Variants in NEXN observed in about 807,000 individuals in gnomAD.
NEXN encodes nexilin F-actin binding protein.
In NEXN, 65 loss-of-function variants were observed where a neutral mutation model predicts 92.6. The observed-to-expected ratio is 0.70, with a 90% CI of 0.57 to 0.86. The LOEUF (loss-of-function observed/expected upper bound fraction) is 0.86. Among genes scored for constraint, NEXN ranks in the 40% least tolerant of loss-of-function variants. The probability of loss-of-function intolerance (pLI) is 0.00; values close to 1 mark genes in which losing one functional copy is unlikely to be tolerated. For synonymous variants in NEXN, 254 were observed against 242.5 expected (o/e 1.05, Z -0.44); for missense variants, 778 against 771.1 (o/e 1.01, Z -0.11).
chr1:77,926,938 G>A (rs1421691913), intron 8 of NEXN, 46 bp downstream of exon 8: 2 of 1,610,610 alleles, frequency 1.2e-6, no homozygotes, highest in East Asian at 2.2e-5. Context: ...AATGAAGTTA[G>A]CCGACTTAAG....
chr1:77,923,380 T>C (rs1443353382), intron 5 of NEXN, among the ~76,000 whole-genome samples: 7 of 152,120 alleles, frequency 4.6e-5, no homozygotes, highest in Admixed American at 1.3e-4. Context: ...TTAGCCTAGT[T>C]CCTAGTATGA....
intron 8 of NEXN, among the ~76,000 whole-genome samples, chr1:77,928,084 A>G (rs1297969067): frequency 6.6e-6 from 1 of 152,070 alleles, no homozygotes; most frequent in Non-Finnish European, 1.5e-5. Context: ...TGAGGCAGGC[A>G]GATCCCTTGA....
At chr1:77,916,690 A>T (rs1649002776) in intron 2 of NEXN, among the ~76,000 whole-genome samples, 1 of 152,206 alleles carries the variant, frequency 6.6e-6, no homozygotes, top group Admixed American at 6.5e-5. Context: ...GCCACAAATT[A>T]ATTAAGTAAT....
intron 11 of NEXN, among the ~76,000 whole-genome samples, chr1:77,937,481 G>A (rs1375666325): frequency 6.6e-6 from 1 of 152,174 alleles, no homozygotes; most frequent in Non-Finnish European, 1.5e-5. Flanking sequence ...CCTGAGGTCA[G>A]GAGTTCAAGA....
chr1:77,931,231 C>CAAAAAAAAAAAAAAA (rs367898061), intron 9 of NEXN, among the ~76,000 whole-genome samples: 2 of 120,568 alleles, frequency 1.7e-5, no homozygotes, highest in African/African-American at 7.3e-5. Flanking sequence ...ACTAAAAATA[C>CAAAAAAAAAAAAAAA]AAAAAAAAAA....
rs760058810 is a variant in NEXN at position 77,917,688 on chromosome 1, T to C, written c.150T>C (p.Ser50=). ...RAREERNQRR[S]RDEKQRRKEQ... ...GGGAAGAAAGAAATCAAAGGAGATC[T>C]AGAGACGAAAAACAAAGAAGAAAAG... Residue 50 remains serine, a synonymous_variant, in exon 3 of 13, where the codon TCT becomes TCC. Transcript: ENST00000334785. 6.2e-7 allele frequency: 1 copy of C among 1,612,292 alleles called. No individual in the cohort carries two copies. Among genetic ancestry groups the C allele is most frequent in the South Asian group, 1.1e-5 (1 of 90,788 alleles).
chr1:77,929,445 G>A lies in NEXN; in HGVS notation c.994G>A (p.Glu332Lys), dbSNP rs1374513497. ...REDEKRKAEE[E>K]ARRRIEEEKK... The stretch of plus-strand genomic sequence containing the variant: ...AGATGAAAAAAGGAAAGCAGAAGAA[G>A]AAGCCAGAAGGAGAATAGAGGAAGA... Residue 332 changes from glutamate (E) to lysine (K), a missense_variant, in exon 9 of 13, where the codon GAA becomes AAA. By Grantham distance (56) the Glu-to-Lys change is moderately conservative. Around this residue, in one of 3 missense-constraint regions of NEXN, gnomAD observed 532 missense variants for 476.7 expected, o/e 1.12. Transcript: ENST00000334785. 15 of 1,613,258 alleles carry A rather than the reference G, an allele frequency of 9.3e-6. No individual in the cohort carries two copies. The East Asian group carries it at 3.3e-4, about 36-fold the overall frequency.
chr1:77,889,522 T>G (rs1377462293), intron 1 of NEXN: 2 of 152,232 alleles, frequency 1.3e-5, no homozygotes, highest in Non-Finnish European at 2.9e-5. Context: ...CCATTCCAGC[T>G]GTTTGTAAAT....
chr1:77,902,678 TCA>T (rs1323743715), intron 1 of NEXN, among the ~76,000 whole-genome samples: 2 of 152,190 alleles, frequency 1.3e-5, no homozygotes, highest in African/African-American at 4.8e-5. Context: ...TTAGTCTCTT[TCA>T]GTTTGTATGC....
chr1:77,926,100 T>C (rs1649820285), intron 6 of NEXN, among the ~76,000 whole-genome samples: 1 of 152,136 alleles, frequency 6.6e-6, no homozygotes, highest in African/African-American at 2.4e-5. Context: ...ACATGCACAT[T>C]TTGTGGATTA....
At chr1:77,925,474 TCA>T (rs1649773153) in intron 6 of NEXN, among the ~76,000 whole-genome samples, 1 of 152,222 alleles carries the variant, frequency 6.6e-6, no homozygotes, top group African/African-American at 2.4e-5. Flanking sequence ...CTTATTAGTC[TCA>T]GTTTGAGATA....
chr1:77,897,439 G>A (rs1372701933), intron 1 of NEXN, among the ~76,000 whole-genome samples: 1 of 152,142 alleles, frequency 6.6e-6, no homozygotes, highest in East Asian at 1.9e-4. Flanking sequence ...TGCAGAAAAG[G>A]CCTTTGACAA....
chr1:77,907,327 A>G (rs971246641), intron 1 of NEXN, among the ~76,000 whole-genome samples: 1 of 152,262 alleles, frequency 6.6e-6, no homozygotes, highest in African/African-American at 2.4e-5. Flanking sequence ...TTAATTAACA[A>G]TAAAGGAATC....
intron 1 of NEXN, among the ~76,000 whole-genome samples, chr1:77,900,363 T>G (rs1360810817): frequency 6.6e-6 from 1 of 152,194 alleles, no homozygotes; most frequent in African/African-American, 2.4e-5. Flanking sequence ...CATGTTTCTA[T>G]AGCCTGGTTA....
At chr1:77,928,086 A>T (rs940614788) in intron 8 of NEXN, among the ~76,000 whole-genome samples, 1 of 152,110 alleles carries the variant, frequency 6.6e-6, no homozygotes, top group African/African-American at 2.4e-5. Context: ...AGGCAGGCAG[A>T]TCCCTTGAGC....
chr1:77,890,296 A>G (rs1367775968), intron 1 of NEXN, among the ~76,000 whole-genome samples: 1 of 152,226 alleles, frequency 6.6e-6, no homozygotes. Flanking sequence ...TTCTAAGCTA[A>G]AACCACAACA....
chr1:77,941,781 C>A (rs1651332666), intron 11 of NEXN: 2 of 495,422 alleles, frequency 4.0e-6, no homozygotes, highest in Non-Finnish European at 7.3e-6. Context: ...GGCTAGGATC[C>A]CAGTGATATT....
In NEXN at chr1:77,922,423, C is replaced by T. The variant is rs187267304; in HGVS notation, c.448-2765C>T. On this transcript the variant is annotated intron_variant, in intron 5 of 12. Transcript: ENST00000334785. ...GGATTACAGGCGTGAGCCACCGCGC[C>T]TGGCCTAAAAAGAGAAGTCTTTTGT... Among the ~76,000 whole-genome samples the T allele has an allele frequency of 2.5e-4, 38 of 152,012 alleles. 1 individual carries two copies. Among genetic ancestry groups the T allele is most frequent in the Non-Finnish European group, 4.4e-4 (30 of 67,986 alleles).
intron 1 of NEXN, among the ~76,000 whole-genome samples, chr1:77,911,413 G>A (rs1227201787): frequency 6.6e-6 from 1 of 152,114 alleles, no homozygotes; most frequent in African/African-American, 2.4e-5. Context: ...CCAACATGGT[G>A]AAACCCTGTC....
Sources: gnomAD v4.1 joint callset for allele counts (sites outside exome capture counted in the v4.1 genomes callset) on GRCh38, gnomAD v4.1.1 for gene constraint, gnomAD v4.1.1 regional missense constraint, MANE v1.5 for transcripts, NCBI Gene and HGNC (gene_info 2026-07-23, HGNC 2026-07-21) for gene names.